RORB: variants seen among roughly 807,000 people sequenced by gnomAD.
RORB encodes nuclear receptor ROR-beta.
Under a neutral mutation model 59.1 loss-of-function variants are expected in RORB, and 6 were observed. The ratio of observed to expected loss-of-function variants is 0.10; its 90% confidence interval spans 0.06 to 0.20. The LOEUF is 0.20. Among genes scored for constraint, RORB ranks in the 10% least tolerant of loss-of-function variants. The probability of loss-of-function intolerance (pLI) is 1.00; values close to 1 mark genes in which losing one functional copy is unlikely to be tolerated. For missense variants in RORB, 320 were observed against 560.5 expected (o/e 0.57, Z 4.33); for synonymous variants, 215 against 204.5 (o/e 1.05, Z -0.44).
At chr9:74,621,845 T>C (rs974568135) in intron 1 of RORB, among the ~76,000 whole-genome samples, 4 of 152,222 alleles carry the variant, frequency 2.6e-5, no homozygotes, top group Non-Finnish European at 5.9e-5. Flanking sequence ...TCTTTTCATA[T>C]GCTTATTTTC....
At chr9:74,682,330 G>A (rs1386069184) in intron 9 of RORB, among the ~76,000 whole-genome samples, 1 of 151,336 alleles carries the variant, frequency 6.6e-6, no homozygotes, top group Non-Finnish European at 1.5e-5. Context: ...TATACCTAAT[G>A]TTAAATGATG....
At chr9:74,505,410 G>A (rs1825857125) in intron 1 of RORB, among the ~76,000 whole-genome samples, 1 of 152,066 alleles carries the variant, frequency 6.6e-6, no homozygotes, top group African/African-American at 2.4e-5. Flanking sequence ...CAAAGATGAT[G>A]TCATCTTTTA....
At chr9:74,590,139 CAGTAGT>C (rs369972499) in intron 1 of RORB, among the ~76,000 whole-genome samples, 2 of 151,896 alleles carry the variant, frequency 1.3e-5, no homozygotes, top group African/African-American at 4.8e-5. Context: ...TCAGTAGTAA[CAGTAGT>C]AGTAGTAGTA....
chr9:74,608,946 G>A (rs927374457), intron 1 of RORB, among the ~76,000 whole-genome samples: 2 of 152,110 alleles, frequency 1.3e-5, no homozygotes, highest in African/African-American at 4.8e-5. Context: ...ATACAGATTT[G>A]ACAGAACAAA....
chr9:74,507,827 G>A (rs1825889544), intron 1 of RORB, among the ~76,000 whole-genome samples: 1 of 152,016 alleles, frequency 6.6e-6, no homozygotes. Flanking sequence ...GACTTTTAAA[G>A]AAAGGAGAAG....
intron 1 of RORB, among the ~76,000 whole-genome samples, chr9:74,561,986 G>T (rs1822402520): frequency 6.6e-6 from 1 of 152,090 alleles, no homozygotes; most frequent in Non-Finnish European, 1.5e-5. Context: ...TGAGTAGATT[G>T]TTTATCTGCA....
intron 1 of RORB, among the ~76,000 whole-genome samples, chr9:74,613,951 C>A (rs562343532): frequency 6.6e-6 from 1 of 152,068 alleles, no homozygotes; most frequent in Admixed American, 6.6e-5. Flanking sequence ...TATATGTGTA[C>A]CATATTTTAT....
At chr9:74,630,756 G>T (rs913301534) in intron 2 of RORB, among the ~76,000 whole-genome samples, 4 of 151,512 alleles carry the variant, frequency 2.6e-5, no homozygotes, top group African/African-American at 9.7e-5. Context: ...TTAACTTTCT[G>T]CTTGAGAAAG....
At chr9:74,532,841 C>CAT (rs1554664995) in intron 1 of RORB, among the ~76,000 whole-genome samples, 6 of 134,234 alleles carry the variant, frequency 4.5e-5, no homozygotes, top group African/African-American at 1.4e-4. Flanking sequence ...TATATATACA[C>CAT]ATATATATAC....
chr9:74,685,389 AG>A, intron 9 of RORB, 73 bp from the exon 10 acceptor site: 1 of 1,233,306 alleles, frequency 8.1e-7, no homozygotes, highest in African/African-American at 1.5e-5. Context: ...GGGGCCAGAA[AG>A]GACACTGGTT....
At chr9:74,596,520 T>G (rs552731260) in intron 1 of RORB, among the ~76,000 whole-genome samples, 1 of 152,172 alleles carries the variant, frequency 6.6e-6, no homozygotes, top group Non-Finnish European at 1.5e-5. Context: ...TGGGTCTTGA[T>G]CAAACAATGG....
intron 1 of RORB, among the ~76,000 whole-genome samples, chr9:74,615,267 A>AT (rs1823293566): frequency 6.6e-6 from 1 of 152,206 alleles, no homozygotes; most frequent in South Asian, 2.1e-4. Flanking sequence ...ACAAAGGGGA[A>AT]TTTAAGTGCA....
chr9:74,625,216 C>T (rs940782729), intron 1 of RORB, among the ~76,000 whole-genome samples: 17 of 152,312 alleles, frequency 1.1e-4, no homozygotes, highest in African/African-American at 3.1e-4. Context: ...TAACTTAACT[C>T]ATTTAATTGC....
chr9:74,585,391 A>T (rs1465762504), intron 1 of RORB, among the ~76,000 whole-genome samples: 1 of 152,256 alleles, frequency 6.6e-6, no homozygotes, highest in African/African-American at 2.4e-5. Context: ...AGGTTGAGTA[A>T]CATATTCTAT....
At chr9:74,557,102 C>CG (rs1822305991) in intron 1 of RORB, among the ~76,000 whole-genome samples, 1 of 152,042 alleles carries the variant, frequency 6.6e-6, no homozygotes, top group South Asian at 2.1e-4. Flanking sequence ...TCATAAGACA[C>CG]GGGTGAAGTT....
chr9:74,650,437 G>A (rs1210052121), intron 4 of RORB, among the ~76,000 whole-genome samples: 2 of 152,200 alleles, frequency 1.3e-5, no homozygotes, highest in Non-Finnish European at 2.9e-5. Flanking sequence ...ATGGGGATTA[G>A]CATACTTTGG....
intron 1 of RORB, among the ~76,000 whole-genome samples, chr9:74,605,569 G>C (rs1345278058): frequency 1.3e-5 from 2 of 152,208 alleles, no homozygotes; most frequent in Non-Finnish European, 2.9e-5. Flanking sequence ...TACGTAGTCT[G>C]TCTTTGCTGG....
chr9:74,515,763 T>C (rs1201645779), intron 1 of RORB, among the ~76,000 whole-genome samples: 1 of 151,992 alleles, frequency 6.6e-6, no homozygotes, highest in Non-Finnish European at 1.5e-5. Flanking sequence ...CATTCCCAAA[T>C]GACATCTGTA....
chr9:74,562,522 C>T (rs1314277737), intron 1 of RORB, among the ~76,000 whole-genome samples: 1 of 152,176 alleles, frequency 6.6e-6, no homozygotes, highest in Non-Finnish European at 1.5e-5. Context: ...GCACTCCAAT[C>T]ACTGTCTTGC....
Sources: allele counts gnomAD v4.1 joint callset (sites outside exome capture counted in the v4.1 genomes callset), GRCh38; gene constraint gnomAD v4.1.1; transcripts MANE v1.5; gene names NCBI Gene and HGNC (gene_info 2026-07-23, HGNC 2026-07-21).